The following PPP1CB variants were observed in gnomAD, a reference collection of about 807,000 sequenced individuals.
PPP1CB encodes the protein protein phosphatase 1 catalytic subunit beta.
Under a neutral mutation model 43.7 loss-of-function variants are expected in PPP1CB, and 2 were observed. The observed-to-expected ratio is 0.05, with a 90% CI of 0.02 to 0.14. The LOEUF (loss-of-function observed/expected upper bound fraction) is 0.14, where lower values mean the gene tolerates loss of function less well. Among genes scored for constraint, PPP1CB ranks in the 10% least tolerant of loss-of-function variants. The probability of loss-of-function intolerance (pLI) is 1.00; values close to 1 mark genes in which losing one functional copy is unlikely to be tolerated. For missense variants in PPP1CB, 84 were observed against 398.0 expected, an observed-to-expected ratio of 0.21 and a Z score of 6.71; for synonymous variants, 136 against 135.6, an observed-to-expected ratio of 1.00 and a Z score of -0.02.
chr2:28,794,044 C>T (rs751391690), intron 7 of PPP1CB, 47 bp downstream of exon 7: 7 of 1,470,770 alleles, frequency 4.8e-6, no homozygotes, highest in Non-Finnish European at 5.6e-6. Flanking sequence ...CTAATAAAAA[C>T]TATTATCAGA....
intron 3 of PPP1CB, among the ~76,000 whole-genome samples, chr2:28,779,724 C>T (rs995441809): frequency 6.6e-6 from 1 of 151,946 alleles, no homozygotes; most frequent in African/African-American, 2.4e-5. Context: ...GCTGTCTTCC[C>T]TATTAGAATC....
chr2:28,793,538 C>G (rs1667430805), intron 6 of PPP1CB, among the ~76,000 whole-genome samples: 1 of 152,098 alleles, frequency 6.6e-6, no homozygotes, highest in East Asian at 1.9e-4. Flanking sequence ...AAAAAAAGTA[C>G]TTAGTGTCCC....
chr2:28,781,696 A>G (rs1372726027), intron 3 of PPP1CB, 42 bp from the exon 4 acceptor site: 1 of 1,336,496 alleles, frequency 7.5e-7, no homozygotes, highest in Non-Finnish European at 1.1e-6. Context: ...TGATGAGAAC[A>G]GTTTTAGATT....
rs537075742 is a variant in PPP1CB at position 28,802,139 on chromosome 2, T to C, written c.*2836T>C. 22 of 151,490 alleles carry C rather than the reference T, an allele frequency of 1.5e-4. No individual in the cohort carries two copies. In the South Asian group the frequency reaches 4.6e-3, roughly 31 times the overall value. The allele number at this position is 151,490 out of a possible 1,614,324, so 9.4% of individuals were successfully genotyped here. On this transcript the variant is annotated 3_prime_UTR_variant, in exon 8 of 8. Transcript: ENST00000395366. ...AGTATGAGTGTGTTCACGAGAAACA[T>C]AGGCTTTTCAAAAAAATTTTTATTC...
intron 1 of PPP1CB, among the ~76,000 whole-genome samples, chr2:28,755,362 T>A (rs1008241117): frequency 6.6e-6 from 1 of 152,088 alleles, no homozygotes; most frequent in African/African-American, 2.4e-5. Flanking sequence ...TTTCAAAGAG[T>A]CCTTTAGGTC....
chr2:28,779,789 T>G (rs1307949345), intron 3 of PPP1CB, among the ~76,000 whole-genome samples: 1 of 152,244 alleles, frequency 6.6e-6, no homozygotes, highest in African/African-American at 2.4e-5. Flanking sequence ...CAAACTCATA[T>G]CTCCTTGATT....
In PPP1CB at chr2:28,772,853, G is replaced by A. The variant is rs1666943547; in HGVS notation, c.53-3998G>A. 3.3e-5 allele frequency among the ~76,000 whole-genome samples: 5 copies of A among 152,228 alleles called. No homozygotes were observed. The South Asian group carries it at 1.0e-3, about 32-fold the overall frequency. The stretch of plus-strand genomic sequence containing the variant: ...CACTAAAAAAGGTTTCGGTTTTGGA[G>A]CATTTTGGATTTCAGATTAGGGATA... On this transcript the variant is annotated intron_variant, in intron 1 of 7. Coordinates refer to ENST00000395366, the MANE Select transcript of PPP1CB (RefSeq NM_002709.3).
chr2:28,774,181 C>G (rs981697794), intron 1 of PPP1CB, among the ~76,000 whole-genome samples: 20 of 152,192 alleles, frequency 1.3e-4, no homozygotes, highest in African/African-American at 4.8e-4. Context: ...AAAATATTCA[C>G]CACTGTCATT....
At chr2:28,751,756 A>T (rs1251035477), upstream of PPP1CB, 2 of 308,610 alleles carry the variant, frequency 6.5e-6, no homozygotes, top group South Asian at 2.8e-5. Flanking sequence ...GAGCTGCGTG[A>T]CGCGGCGGCG....
Position 28,778,819 on chromosome 2 carries a change from T to C in PPP1CB, c.195T>C (p.His65=), listed in dbSNP as rs991143814. Residue 65 remains histidine (H), a synonymous_variant, in exon 3 of 8, where the codon CAT becomes CAC. Coordinates refer to ENST00000395366, the MANE Select transcript of PPP1CB (RefSeq NM_002709.3). ...EAPLKICGDI[H]GQYTDLLRLF... ...TCTTTCTCTTTTTAGGAGATATTCATGGACAATATACAGATTTACTGAGAT... is the reference window on the plus strand; with the variant it reads ...TCTTTCTCTTTTTAGGAGATATTCACGGACAATATACAGATTTACTGAGAT... 6.3e-7 allele frequency: 1 copy of C among 1,579,290 alleles called. No homozygotes were observed. The highest frequency in any genetic ancestry group is 1.3e-5 in the African/African-American group (1 of 74,148).
intron 5 of PPP1CB, among the ~76,000 whole-genome samples, chr2:28,785,046 TAATA>T (rs1338841342): frequency 6.8e-6 from 1 of 146,394 alleles, no homozygotes; most frequent in Non-Finnish European, 1.5e-5. Flanking sequence ...CTGTATGTTG[TAATA>T]AATTGTGTTA....
intron 5 of PPP1CB, among the ~76,000 whole-genome samples, chr2:28,786,394 G>A (rs544230689): frequency 5.3e-5 from 8 of 152,102 alleles, no homozygotes; most frequent in South Asian, 2.1e-4. Flanking sequence ...GATTACAGGC[G>A]TGAGCCACCA....
chr2:28,777,488 A>G (rs1033886875), intron 2 of PPP1CB, among the ~76,000 whole-genome samples: 5 of 152,206 alleles, frequency 3.3e-5, no homozygotes, highest in Admixed American at 2.6e-4. Flanking sequence ...CAATATGGCG[A>G]TATCTGTGGT....
rs1667631535 is a variant in PPP1CB, at chr2:28,802,120, A to C, written c.*2817A>C. 1 of 152,198 alleles carries C rather than the reference A, an allele frequency of 6.6e-6. No homozygotes were observed. The highest frequency in any genetic ancestry group is 2.4e-5 in the African/African-American group (1 of 41,452). The allele number at this position is 152,198 out of a possible 1,614,324, so 9.4% of individuals were successfully genotyped here. On this transcript the variant is annotated 3_prime_UTR_variant, in exon 8 of 8. Transcript: ENST00000395366. ...AAATAGGTGGTAAATTTGAAGTATG[A>C]GTGTGTTCACGAGAAACATAGGCTT... is the stretch of plus-strand genomic sequence containing the variant.
intron 2 of PPP1CB, chr2:28,778,488 G>T: frequency 2.0e-6 from 1 of 488,098 alleles, no homozygotes; most frequent in Non-Finnish European, 4.2e-6. Flanking sequence ...TGGACTAAGA[G>T]CCTCAGTTCC....
intron 7 of PPP1CB, among the ~76,000 whole-genome samples, chr2:28,798,504 A>G (rs1667542209): frequency 6.6e-6 from 1 of 152,150 alleles, no homozygotes; most frequent in African/African-American, 2.4e-5. Context: ...TGTACAATGT[A>G]CAACTCAGCA....
At chr2:28,773,679 A>C (rs928407868) in intron 1 of PPP1CB, among the ~76,000 whole-genome samples, 1 of 151,938 alleles carries the variant, frequency 6.6e-6, no homozygotes, top group East Asian at 1.9e-4. Flanking sequence ...CCTTTTTTTC[A>C]GAAGTCTTGA....
intron 1 of PPP1CB, among the ~76,000 whole-genome samples, chr2:28,768,440 A>G (rs1666830387): frequency 6.6e-6 from 1 of 152,218 alleles, no homozygotes; most frequent in African/African-American, 2.4e-5. Flanking sequence ...ACACATAAGC[A>G]AGAGAAGAAA....
intron 1 of PPP1CB, among the ~76,000 whole-genome samples, chr2:28,771,130 T>C (rs956842557): frequency 1.4e-5 from 2 of 143,136 alleles, no homozygotes; most frequent in African/African-American, 5.1e-5. Context: ...CGTGGCTCAC[T>C]GCCACCTCTG....
Sources: gnomAD v4.1 joint callset for allele counts (sites outside exome capture counted in the v4.1 genomes callset) on GRCh38, gnomAD v4.1.1 for gene constraint, MANE v1.5 for transcripts, NCBI Gene and HGNC (gene_info 2026-07-23, HGNC 2026-07-21) for gene names.